Variants in ATP8A2 observed in about 807,000 individuals in gnomAD.
ATP8A2 encodes the protein phospholipid-transporting ATPase IB.
ATP8A2 carries 100 observed loss-of-function variants against 165.6 expected under a neutral mutation model. That is an observed-to-expected ratio of 0.60 (90% confidence interval 0.51 to 0.71). The LOEUF (loss-of-function observed/expected upper bound fraction) is 0.71. Among genes scored for constraint, ATP8A2 ranks in the 30% least tolerant of loss-of-function variants. ATP8A2 has a pLI of 0.00. For missense variants in ATP8A2, 1,227 were observed against 1,479.5 expected (o/e 0.83, Z 2.80); for synonymous variants, 543 against 548.8 (o/e 0.99, Z 0.15).
intron 7 of ATP8A2, among the ~76,000 whole-genome samples, chr13:25,539,887 A>G (rs1004639656): frequency 2.0e-5 from 3 of 152,214 alleles, no homozygotes; most frequent in Non-Finnish European, 1.5e-5. Flanking sequence ...TCGATCCTTC[A>G]ACTCCTCTGG....
At chr13:25,501,156 G>A (rs371566849) in intron 2 of ATP8A2, among the ~76,000 whole-genome samples, 4 of 152,174 alleles carry the variant, frequency 2.6e-5, no homozygotes, top group Middle Eastern at 3.2e-3. Context: ...CCTGGGATTC[G>A]TTTTAATCGA....
At chr13:26,002,375 T>C (rs1014915179) in intron 35 of ATP8A2, among the ~76,000 whole-genome samples, 1 of 151,624 alleles carries the variant, frequency 6.6e-6, no homozygotes, top group Non-Finnish European at 1.5e-5. Flanking sequence ...GTGAGAACAC[T>C]TGGACACGGT....
At chr13:25,398,643 A>G (rs2033513722) in intron 1 of ATP8A2, among the ~76,000 whole-genome samples, 1 of 152,248 alleles carries the variant, frequency 6.6e-6, no homozygotes, top group South Asian at 2.1e-4. Flanking sequence ...TGTTGACTAC[A>G]TGCCCTGTAC....
chr13:25,871,513 A>G (rs1952677204), intron 33 of ATP8A2, among the ~76,000 whole-genome samples: 1 of 152,216 alleles, frequency 6.6e-6, no homozygotes, highest in African/African-American at 2.4e-5. Flanking sequence ...GCAAGAAAAC[A>G]TGACCACGGT....
In ATP8A2 at chr13:25,376,990, A is replaced by G. The variant is rs143768212; in HGVS notation, c.76+4702A>G. On this transcript the variant is annotated intron_variant, in intron 1 of 36. Coordinates refer to ENST00000381655, the MANE Select transcript of ATP8A2 (RefSeq NM_016529.6). ...AGTCCTGACTACAAGGCCGTCTTCT[A>G]CCCCACAGGTGGCCAATAAGCACCT... Among the ~76,000 whole-genome samples the G allele has an allele frequency of 1.5e-4, 23 of 152,272 alleles. No homozygotes were observed. In the East Asian group the frequency reaches 4.4e-3, roughly 29 times the overall value.
intron 24 of ATP8A2, among the ~76,000 whole-genome samples, chr13:25,647,747 G>A (rs144779419): frequency 0.035 from 5,228 of 151,376 alleles, 154 homozygotes; most frequent in East Asian, 0.13. Flanking sequence ...GTGCAATGGC[G>A]TGGTCTCGGC....
chr13:25,801,656 G>C (rs1418267644), intron 27 of ATP8A2, among the ~76,000 whole-genome samples: 1 of 152,138 alleles, frequency 6.6e-6, no homozygotes, highest in Non-Finnish European at 1.5e-5. Context: ...AGATAATGAA[G>C]TTGTTGGGTG....
chr13:25,597,974 G>A (rs2138350748), intron 24 of ATP8A2, among the ~76,000 whole-genome samples: 1 of 152,106 alleles, frequency 6.6e-6, no homozygotes, highest in East Asian at 1.9e-4. Flanking sequence ...ACTGGGAAGA[G>A]TGCCTCTTGT....
intron 24 of ATP8A2, among the ~76,000 whole-genome samples, chr13:25,669,321 A>G (rs2042217868): frequency 6.6e-6 from 1 of 152,204 alleles, no homozygotes; most frequent in Non-Finnish European, 1.5e-5. Context: ...CCATTTTGTT[A>G]TCTCATTGGT....
intron 11 of ATP8A2, 117 bp from the exon 12 acceptor site, chr13:25,553,676 A>T: frequency 9.5e-7 from 1 of 1,048,552 alleles, no homozygotes. Flanking sequence ...GCAGCCTTTG[A>T]ACTCACGGTT....
intron 7 of ATP8A2, 101 bp from the exon 8 acceptor site, chr13:25,540,218 G>A (rs1391480155): frequency 1.2e-6 from 1 of 838,100 alleles, no homozygotes; most frequent in East Asian, 2.4e-5. Context: ...TTATTTTGAA[G>A]GGCCAATCAG....
rs973433089 is a variant in ATP8A2, at chr13:25,513,096, G to A, written c.222-16903G>A. 3.1e-4 allele frequency among the ~76,000 whole-genome samples: 47 copies of A among 151,920 alleles called. No homozygotes were observed. In the East Asian group the frequency reaches 7.1e-3, roughly 23 times the overall value. ...CCCTCCCGGACGGGGTGGCTGCCAG[G>A]CGGAGACGCTCCTCACTTCCCAGAC... On this transcript the variant is annotated intron_variant, in intron 2 of 36. Transcript: ENST00000381655.
At chr13:25,524,337 C>T (rs1566218875) in intron 2 of ATP8A2, among the ~76,000 whole-genome samples, 1 of 152,108 alleles carries the variant, frequency 6.6e-6, no homozygotes, top group East Asian at 1.9e-4. Context: ...CATTCTGCAG[C>T]AGTTGGGTGA....
chr13:25,857,967 T>C (rs1952221932), intron 30 of ATP8A2, among the ~76,000 whole-genome samples: 1 of 152,200 alleles, frequency 6.6e-6, no homozygotes, highest in Non-Finnish European at 1.5e-5. Context: ...CCACAAGCTG[T>C]ATAAAAACAG....
At chr13:25,537,357 G>A (rs2038319328) in intron 6 of ATP8A2, among the ~76,000 whole-genome samples, 3 of 152,078 alleles carry the variant, frequency 2.0e-5, no homozygotes, top group Admixed American at 2.0e-4. Flanking sequence ...TTGAATCCTG[G>A]TTCTAACACT....
chr13:25,880,800 C>A, intron 33 of ATP8A2: 1 of 411,438 alleles, frequency 2.4e-6, no homozygotes, highest in South Asian at 1.8e-5. Flanking sequence ...AAGCAGCCAA[C>A]TTTTCTAGCA....
At chr13:25,519,226 C>T (rs2037579580) in intron 2 of ATP8A2, among the ~76,000 whole-genome samples, 1 of 152,170 alleles carries the variant, frequency 6.6e-6, no homozygotes, top group Non-Finnish European at 1.5e-5. Context: ...GCCTAGTTCA[C>T]AGGTCACCTT....
chr13:25,892,064 G>T (rs901752285), intron 33 of ATP8A2, among the ~76,000 whole-genome samples: 2 of 151,082 alleles, frequency 1.3e-5, no homozygotes, highest in African/African-American at 4.9e-5. Context: ...TTGGCTCACT[G>T]CAAGCTCCAC....
chr13:25,591,922 A>G (rs900005685), intron 24 of ATP8A2, among the ~76,000 whole-genome samples: 1 of 152,120 alleles, frequency 6.6e-6, no homozygotes, highest in African/African-American at 2.4e-5. Context: ...GCTGAATCAT[A>G]TGGTAATTTT....
Sources: gnomAD v4.1 joint callset for allele counts (sites outside exome capture counted in the v4.1 genomes callset) on GRCh38, gnomAD v4.1.1 for gene constraint, MANE v1.5 for transcripts, NCBI Gene and HGNC (gene_info 2026-07-23, HGNC 2026-07-21) for gene names.